Variants in CAST observed in about 807,000 individuals in gnomAD.
The protein encoded by CAST is calpastatin, also known as MIR583 host.
In CAST, 76 loss-of-function variants were observed where a neutral mutation model predicts 119.6. The observed-to-expected ratio is 0.64, with a 90% CI of 0.53 to 0.77. The LOEUF is 0.77. Ranked by LOEUF, CAST falls within the 30% of genes least tolerant of loss-of-function variation. The probability of loss-of-function intolerance (pLI) is 0.00; values close to 1 mark genes in which losing one functional copy is unlikely to be tolerated. For synonymous variants in CAST, 319 were observed against 331.6 expected, an observed-to-expected ratio of 0.96 and a Z score of 0.41; for missense variants, 953 against 946.5, an observed-to-expected ratio of 1.01 and a Z score of -0.09.
chr5:96,482,602 A>G, the CAST span, among the ~76,000 whole-genome samples: 1 of 152,040 alleles, frequency 6.6e-6, no homozygotes, highest in Non-Finnish European at 1.5e-5. Flanking sequence ...TTTTGCAATG[A>G]AGAAAAAAAC....
At chr5:96,662,323 CCCT>C, upstream of CAST, 6 of 259,714 alleles carry the variant, frequency 2.3e-5, no homozygotes, top group Non-Finnish European at 3.6e-5. Flanking sequence ...GCCCTCCGCT[CCCT>C]CCCTCCCTCC....
intron 25 of CAST, chr5:96,763,025 C>A: frequency 1.4e-6 from 1 of 704,768 alleles, no homozygotes; most frequent in Non-Finnish European, 2.6e-6. Flanking sequence ...GACCACAGCA[C>A]ATCAAATTAT....
chr5:96,115,743 T>G, the CAST span, among the ~76,000 whole-genome samples: 1 of 152,188 alleles, frequency 6.6e-6, no homozygotes, highest in Admixed American at 6.5e-5. Context: ...TTTTCTGGTG[T>G]GTCTTATTGA....
intron 1 of CAST, among the ~76,000 whole-genome samples, chr5:96,552,256 T>G (rs1177543354): frequency 6.6e-6 from 1 of 152,190 alleles, no homozygotes; most frequent in East Asian, 1.9e-4. Context: ...AACTCAGGAT[T>G]AAGAATCTCA....
At chr5:96,307,341 G>T in the CAST span, among the ~76,000 whole-genome samples, 6 of 152,192 alleles carry the variant, frequency 3.9e-5, no homozygotes, top group Admixed American at 2.6e-4. Flanking sequence ...GAGCCTATGT[G>T]TGTCTTTGCA....
chr5:96,600,327 A>G (rs1410702572), intron 1 of CAST, among the ~76,000 whole-genome samples: 1 of 152,208 alleles, frequency 6.6e-6, no homozygotes, highest in Non-Finnish European at 1.5e-5. Flanking sequence ...TCTTTGAACT[A>G]TGGTGGGCAC....
chr5:96,512,309 C>T, the CAST span, among the ~76,000 whole-genome samples: 2,158 of 152,230 alleles, frequency 0.014, 23 homozygotes, highest in Non-Finnish European at 0.021. Context: ...CTGATTCTTT[C>T]CCTGAGATTG....
intron 1 of CAST, among the ~76,000 whole-genome samples, chr5:96,588,857 AG>A (rs1451516381): frequency 2.6e-5 from 4 of 152,216 alleles, no homozygotes; most frequent in Non-Finnish European, 4.4e-5. Context: ...ATATAGAAAA[AG>A]CTCCACCTAC....
chr5:96,726,717 T>C, intron 4 of CAST, 77 bp from the exon 5 acceptor site: 2 of 965,182 alleles, frequency 2.1e-6, no homozygotes, highest in Admixed American at 4.2e-5. Context: ...ATAATCATTT[T>C]AACCCTTTTT....
intron 1 of CAST, among the ~76,000 whole-genome samples, chr5:96,565,251 A>G (rs141372674): frequency 4.6e-5 from 7 of 152,186 alleles, no homozygotes; most frequent in Admixed American, 4.6e-4. Flanking sequence ...TATATATCAT[A>G]TAGAGAGGAT....
At chr5:96,049,889 C>CAAAAAGAAAAAAAAAA in the CAST span, among the ~76,000 whole-genome samples, 1 of 34,188 alleles carries the variant, frequency 2.9e-5, no homozygotes, top group Admixed American at 5.1e-4. Context: ...GAACAGGAGG[C>CAAAAAGAAAAAAAAAA]AAAAAAAAAA....
At chr5:95,976,202 T>A in the CAST span, among the ~76,000 whole-genome samples, 1 of 151,102 alleles carries the variant, frequency 6.6e-6, no homozygotes, top group South Asian at 2.1e-4. Context: ...AGTATTCCGT[T>A]GTTTCCATCT....
chr5:96,153,634 C>T, the CAST span, among the ~76,000 whole-genome samples: 2 of 152,176 alleles, frequency 1.3e-5, no homozygotes, highest in African/African-American at 4.8e-5. Flanking sequence ...TTCTATCTTA[C>T]AGATTTTAAG....
chr5:96,619,978 A>G (rs775529482), intron 1 of CAST, among the ~76,000 whole-genome samples: 3 of 152,236 alleles, frequency 2.0e-5, no homozygotes, highest in Non-Finnish European at 2.9e-5. Flanking sequence ...TCTGTAAAAT[A>G]AAGACAACAC....
At chr5:96,763,202 A>T (rs748041442) in intron 25 of CAST, 2 of 780,778 alleles carry the variant, frequency 2.6e-6, no homozygotes, top group Non-Finnish European at 2.4e-6. Context: ...ATGGATTTTC[A>T]TCCTGTTGCG....
At chr5:96,109,460 G>T in the CAST span, among the ~76,000 whole-genome samples, 148 of 152,306 alleles carry the variant, frequency 9.7e-4, no homozygotes, top group African/African-American at 3.3e-3. Context: ...ACTAGAAAAT[G>T]TTGATGAGGC....
the CAST span, among the ~76,000 whole-genome samples, chr5:96,383,992 T>C: frequency 2.6e-5 from 4 of 152,052 alleles, no homozygotes; most frequent in African/African-American, 9.7e-5. Context: ...ACCTGAGTTT[T>C]ATGGGGTCTG....
chr5:96,728,799 G>A (rs112758836), intron 6 of CAST: 2,064 of 183,860 alleles, frequency 0.011, 45 homozygotes, highest in African/African-American at 0.03. Context: ...TCTAGAGTGG[G>A]ATTAGCTGTC....
chr5:96,125,279 G>A, the CAST span, among the ~76,000 whole-genome samples: 3 of 152,212 alleles, frequency 2.0e-5, no homozygotes, highest in Middle Eastern at 3.4e-3. Flanking sequence ...AGTGACTGTT[G>A]GGTTGCTAGC....
Sources: gnomAD v4.1 joint callset for allele counts (sites outside exome capture counted in the v4.1 genomes callset) on GRCh38, gnomAD v4.1.1 for gene constraint, MANE v1.5 for transcripts, NCBI Gene and HGNC (gene_info 2026-07-23, HGNC 2026-07-21) for gene names.